The following PKHD1 variants were observed in gnomAD, a reference collection of about 807,000 sequenced individuals.
PKHD1 encodes the protein PKHD1 ciliary IPT domain containing fibrocystin/polyductin.
Under a neutral mutation model 412.0 loss-of-function variants are expected in PKHD1, and 291 were observed. The ratio of observed to expected loss-of-function variants is 0.71; its 90% CI spans 0.64 to 0.78. PKHD1 has a LOEUF of 0.78. PKHD1 is among the 30% of genes least tolerant of loss of function. PKHD1 has a pLI of 0.00. For synonymous variants in PKHD1, 1,777 were observed against 1,821.5 expected (o/e 0.98, Z 0.62); for missense variants, 4,825 against 4,950.7 (o/e 0.97, Z 0.76).
intron 52 of PKHD1, among the ~76,000 whole-genome samples, chr6:51,808,756 T>C (rs898055712): frequency 6.6e-6 from 1 of 152,150 alleles, no homozygotes; most frequent in Non-Finnish European, 1.5e-5. Context: ...CATTTGGATA[T>C]TTATGGAATG....
At chr6:51,745,942 C>T (rs1350430014) in intron 59 of PKHD1, among the ~76,000 whole-genome samples, 2 of 152,082 alleles carry the variant, frequency 1.3e-5, no homozygotes, top group Non-Finnish European at 2.9e-5. Context: ...AAAAGAGACT[C>T]GTGTTAAGCC....
chr6:51,764,065 G>C (rs1440877833), intron 55 of PKHD1, among the ~76,000 whole-genome samples: 2 of 148,280 alleles, frequency 1.3e-5, no homozygotes, highest in Non-Finnish European at 3.0e-5. Context: ...TCATCATCTA[G>C]CATTAGGTAT....
intron 34 of PKHD1, among the ~76,000 whole-genome samples, chr6:52,013,380 T>C (rs1038117178): frequency 1.1e-4 from 16 of 152,302 alleles, no homozygotes; most frequent in Non-Finnish European, 1.6e-4. Flanking sequence ...CACACTTTTT[T>C]CCATATTTGT....
chr6:51,957,797 ACCT>A (rs988388648), intron 36 of PKHD1, among the ~76,000 whole-genome samples: 35 of 151,830 alleles, frequency 2.3e-4, no homozygotes, highest in African/African-American at 8.2e-4. Context: ...TCTGCCCTTC[ACCT>A]CCTCTCCGCT....
In PKHD1 at chr6:51,748,109, G is replaced by A. The variant is rs1785472118; in HGVS notation, c.9507C>T (p.Asn3169=). 9.3e-6 allele frequency: 15 copies of A among 1,613,728 alleles called. No homozygotes were observed. The highest frequency in any genetic ancestry group is 1.1e-5 in the Non-Finnish European group (13 of 1,179,694). Residue 3169 remains asparagine (N), a synonymous_variant, in exon 58 of 67, where the codon AAC becomes AAT. Transcript: ENST00000371117. ...LHVENSVEIE[N]ITLVDNTIGL... Reference sequence around the variant, plus strand: ...CAATAGTATTGTCTACCAGAGTAATGTTCTCTATCTCCACGCTGTTCTCTA... The same window carrying A: ...CAATAGTATTGTCTACCAGAGTAATATTCTCTATCTCCACGCTGTTCTCTA...
chr6:52,032,337 T>C (rs2128161504), intron 29 of PKHD1, among the ~76,000 whole-genome samples: 1 of 152,298 alleles, frequency 6.6e-6, no homozygotes, highest in South Asian at 2.1e-4. Context: ...CTCTTCCAAA[T>C]CTATATGGAA....
chr6:52,027,937 G>T, intron 30 of PKHD1, 41 bp from the exon 31 acceptor site: 1 of 1,484,916 alleles, frequency 6.7e-7, no homozygotes, highest in Non-Finnish European at 9.4e-7. Context: ...AACTGACAGA[G>T]AGAGATAAGA....
At chr6:51,656,593 T>A (rs538883285) in intron 61 of PKHD1, among the ~76,000 whole-genome samples, 1 of 152,080 alleles carries the variant, frequency 6.6e-6, no homozygotes, top group South Asian at 2.1e-4. Flanking sequence ...TGTGTATTAT[T>A]TACTTTAAAA....
intron 35 of PKHD1, among the ~76,000 whole-genome samples, chr6:51,982,492 G>A (rs1392619732): frequency 3.6e-5 from 5 of 137,614 alleles, no homozygotes; most frequent in Admixed American, 3.0e-4. Flanking sequence ...TTGGGATCCT[G>A]TTGATCTGTG....
intron 60 of PKHD1, among the ~76,000 whole-genome samples, chr6:51,664,090 G>T (rs1022417212): frequency 6.6e-6 from 1 of 151,986 alleles, no homozygotes; most frequent in Non-Finnish European, 1.5e-5. Context: ...TTTTTTTGGA[G>T]TAATAAGGTA....
At chr6:51,784,579 T>C (rs1792563213) in intron 53 of PKHD1, among the ~76,000 whole-genome samples, 1 of 152,152 alleles carries the variant, frequency 6.6e-6, no homozygotes, top group Non-Finnish European at 1.5e-5. Context: ...CTAATTTCTG[T>C]CTTGTTAAAG....
intron 52 of PKHD1, among the ~76,000 whole-genome samples, chr6:51,825,520 A>G (rs1302770901): frequency 2.0e-5 from 3 of 152,138 alleles, no homozygotes; most frequent in Non-Finnish European, 4.4e-5. Flanking sequence ...CTAAGCTCCC[A>G]GCCAATAACC....
rs58801569 is a variant in PKHD1 at position 51,794,047 on chromosome 6, CTTTTTTT to C, written c.8303-2681_8303-2675del. Among the ~76,000 whole-genome samples the C allele has an allele frequency of 3.5e-4, 44 of 124,136 alleles. 1 individual carries two copies. The highest frequency in any genetic ancestry group is 1.2e-3 in the African/African-American group (41 of 33,850). 81.4% of individuals were successfully genotyped at this position (124,136 alleles called of 152,430 possible). A position where few individuals can be genotyped will look rare whatever the true frequency, so the allele number is the denominator to read the frequency against. The stretch of plus-strand genomic sequence containing the variant: ...CTTACCAGCATCTGTTGCTTTTTGA[CTTTTTTT>C]TTTTTTTTTTTTGAGATGGAGTCTC... On this transcript the variant is annotated intron_variant, in intron 52 of 66. Coordinates refer to ENST00000371117, the MANE Select transcript of PKHD1 (RefSeq NM_138694.4).
At chr6:51,730,953 C>G (rs1188516931) in intron 60 of PKHD1, among the ~76,000 whole-genome samples, 1 of 152,204 alleles carries the variant, frequency 6.6e-6, no homozygotes, top group Non-Finnish European at 1.5e-5. Context: ...GAGGGTCTCA[C>G]TCTGTCACCC....
At chr6:51,880,778 TTAA>T (rs1777138996) in intron 46 of PKHD1, among the ~76,000 whole-genome samples, 1 of 10,540 alleles carries the variant, frequency 9.5e-5, no homozygotes, top group Non-Finnish European at 1.4e-4. Context: ...AAAAAAAAAA[TTAA>T]AAAAAAAAAA....
At chr6:51,780,855 T>C (rs1791875525) in intron 53 of PKHD1, among the ~76,000 whole-genome samples, 1 of 152,214 alleles carries the variant, frequency 6.6e-6, no homozygotes, top group African/African-American at 2.4e-5. Context: ...CTGAATATAC[T>C]ATTTTCCAGG....
rs1338427420 is a variant in PKHD1 at position 51,912,430 on chromosome 6, T to A, written c.6268A>T (p.Met2090Leu). The change falls in exon 38 of 67, where the codon ATG (methionine) becomes TTG (leucine). Residue 2090 changes from methionine to leucine, a missense_variant. Coordinates refer to ENST00000371117, the MANE Select transcript of PKHD1 (RefSeq NM_138694.4). ...SGTGVKGAKP[M>L]EEIVTVETVQ... ...GTTTCCACAGTGACAATCTCTTCCA[T>A]CGGTTTGGCACCTTTAACACCTGTT... is the stretch of plus-strand genomic sequence containing the variant. 3 of 1,613,216 alleles carry A rather than the reference T, an allele frequency of 1.9e-6. No homozygotes were observed. In the African/African-American group the frequency reaches 4.0e-5, roughly 22 times the overall value.
intron 35 of PKHD1, among the ~76,000 whole-genome samples, chr6:51,979,025 CA>C (rs1211491828): frequency 6.6e-6 from 1 of 152,174 alleles, no homozygotes; most frequent in Non-Finnish European, 1.5e-5. Context: ...ATCAAGTTTA[CA>C]GAGTTACCAA....
chr6:51,748,768 G>T (rs540473656), intron 57 of PKHD1, 103 bp from the exon 58 acceptor site: 63 of 943,174 alleles, frequency 6.7e-5, no homozygotes, highest in African/African-American at 1.6e-5. Flanking sequence ...TAATGAAAAT[G>T]TAAGTTTATT....
Sources: allele counts gnomAD v4.1 joint callset (sites outside exome capture counted in the v4.1 genomes callset), GRCh38; gene constraint gnomAD v4.1.1; transcripts MANE v1.5; gene names NCBI Gene and HGNC (gene_info 2026-07-23, HGNC 2026-07-21).